Variants in TRPM3 observed in about 807,000 individuals in gnomAD.
TRPM3 encodes long transient receptor potential channel 3.
A neutral mutation model predicts 181.2 loss-of-function variants in TRPM3; 77 were observed. The observed-to-expected ratio is 0.42, with a 90% confidence interval of 0.35 to 0.51. The LOEUF (loss-of-function observed/expected upper bound fraction) is 0.51. TRPM3 is among the 20% of genes least tolerant of loss of function. TRPM3 has a pLI of 0.01. For missense variants in TRPM3, 1,759 were observed against 2,196.7 expected (o/e 0.80, Z 3.98); for synonymous variants, 745 against 796.4 (o/e 0.94, Z 1.09).
At chr9:71,156,960 C>G (rs1309755523) in intron 1 of TRPM3, among the ~76,000 whole-genome samples, 1 of 152,114 alleles carries the variant, frequency 6.6e-6, no homozygotes, top group African/African-American at 2.4e-5. Context: ...AATGGGACTT[C>G]CACAGGAATT....
At chr9:70,982,805 G>T (rs2097376184) in intron 1 of TRPM3, among the ~76,000 whole-genome samples, 1 of 152,122 alleles carries the variant, frequency 6.6e-6, no homozygotes, top group Admixed American at 6.6e-5. Context: ...GCTTCAAGTG[G>T]TTCTTGTGCC....
At chr9:71,126,264 C>T (rs1394698187), upstream of TRPM3, among the ~76,000 whole-genome samples, 2 of 152,146 alleles carry the variant, frequency 1.3e-5, no homozygotes, top group Admixed American at 6.5e-5. Flanking sequence ...AACAGGAACG[C>T]TTTTACACTG....
At chr9:70,912,920 CA>C (rs1244387036) in intron 1 of TRPM3, among the ~76,000 whole-genome samples, 1 of 152,108 alleles carries the variant, frequency 6.6e-6, no homozygotes, top group Non-Finnish European at 1.5e-5. Flanking sequence ...ATGACATTAT[CA>C]CTATAATGAT....
Position 71,198,225 on chromosome 9 carries a change from A to T in TRPM3, c.183+248428T>A, listed in dbSNP as rs562460013. Among the ~76,000 whole-genome samples, 27 of 152,098 alleles carry T rather than the reference A, an allele frequency of 1.8e-4. No individual in the cohort carries two copies. The South Asian group carries it at 5.4e-3, about 30-fold the overall frequency. On this transcript the variant is annotated intron_variant, in intron 1 of 24. Transcript: ENST00000357533. ...CTGAGGGCTCTGTTCTGTTCCATTG[A>T]TCAATATATCTGTTTTGGTACCAGT...
At chr9:70,654,784 G>A (rs1007121323) in intron 9 of TRPM3, among the ~76,000 whole-genome samples, 6 of 150,348 alleles carry the variant, frequency 4.0e-5, no homozygotes, top group East Asian at 4.1e-4. Flanking sequence ...CTGGGTTCAC[G>A]CCATTCTCCT....
Position 70,610,999 on chromosome 9 carries a change from TAGA to T in TRPM3, c.2527-253_2527-251del, listed in dbSNP as rs142028730. Reference sequence around the variant, plus strand: ...CTCTTCTCTTCCACCCTGGGAATTCTAGAAGATGTGGGTTATAGATGATACCCA... The same window carrying T: ...CTCTTCTCTTCCACCCTGGGAATTCTAGATGTGGGTTATAGATGATACCCA... On this transcript the variant is annotated intron_variant, in intron 18 of 25. Transcript: ENST00000677713. Among the ~76,000 whole-genome samples, 871 of 152,316 alleles carry T rather than the reference TAGA, an allele frequency of 5.7e-3. 8 individuals carry two copies. The highest frequency in any genetic ancestry group is 0.02 in the African/African-American group (820 of 41,570).
chr9:71,402,646 T>G (rs1340077821), intron 1 of TRPM3, among the ~76,000 whole-genome samples: 2 of 152,228 alleles, frequency 1.3e-5, no homozygotes, highest in Non-Finnish European at 2.9e-5. Context: ...AAACTGTTTA[T>G]ATTGCATCAT....
At chr9:70,947,777 T>C (rs2096951537) in intron 1 of TRPM3, among the ~76,000 whole-genome samples, 2 of 152,140 alleles carry the variant, frequency 1.3e-5, no homozygotes, top group African/African-American at 2.4e-5. Flanking sequence ...GACTTACGTA[T>C]GAGAATAATG....
intron 1 of TRPM3, among the ~76,000 whole-genome samples, chr9:71,371,305 G>A (rs904788564): frequency 6.6e-6 from 1 of 152,158 alleles, no homozygotes; most frequent in Non-Finnish European, 1.5e-5. Context: ...TCTGGGCAAA[G>A]TACATTAAGA....
chr9:70,742,383 G>T (rs149610221), intron 8 of TRPM3, among the ~76,000 whole-genome samples: 2 of 152,096 alleles, frequency 1.3e-5, no homozygotes, highest in African/African-American at 4.8e-5. Flanking sequence ...ATAGTGATCA[G>T]ATCAGGGTAA....
chr9:71,392,594 T>C (rs562522844), intron 1 of TRPM3, among the ~76,000 whole-genome samples: 2 of 152,116 alleles, frequency 1.3e-5, no homozygotes, highest in East Asian at 3.9e-4. Flanking sequence ...CAGATATGGC[T>C]TTAAAGTAGT....
At chr9:70,895,293 A>C (rs999607258) in intron 1 of TRPM3, among the ~76,000 whole-genome samples, 1 of 152,182 alleles carries the variant, frequency 6.6e-6, no homozygotes, top group Non-Finnish European at 1.5e-5. Context: ...AAAATTCTTA[A>C]TATTTTCTAC....
intron 20 of TRPM3, among the ~76,000 whole-genome samples, chr9:70,602,106 C>CG (rs778037711): frequency 1.6e-5 from 2 of 128,204 alleles, no homozygotes; most frequent in Non-Finnish European, 1.6e-5. Flanking sequence ...CAAGGCATTC[C>CG]TTTTTTTTTT....
At chr9:71,252,847 CTTTTTTTTT>C (rs11417438) in intron 1 of TRPM3, among the ~76,000 whole-genome samples, 23 of 84,754 alleles carry the variant, frequency 2.7e-4, no homozygotes, top group Admixed American at 7.3e-4. Flanking sequence ...AATTTTGTCT[CTTTTTTTTT>C]TTTTTTTTTT....
At chr9:70,948,013 C>T (rs1051585896) in intron 1 of TRPM3, among the ~76,000 whole-genome samples, 60 of 151,986 alleles carry the variant, frequency 3.9e-4, no homozygotes, top group Non-Finnish European at 2.2e-4. Context: ...TGAGAGTGCA[C>T]AGGAATACCA....
chr9:71,035,950 T>C (rs896137146), intron 1 of TRPM3, among the ~76,000 whole-genome samples: 7 of 148,656 alleles, frequency 4.7e-5, no homozygotes, highest in Non-Finnish European at 8.9e-5. Flanking sequence ...CTGTACACCA[T>C]ATGAAACTCA....
chr9:70,685,380 GT>G (rs35191957), intron 8 of TRPM3, among the ~76,000 whole-genome samples: 46,222 of 151,840 alleles, frequency 0.3, 7,414 homozygotes, highest in East Asian at 0.46. Context: ...CAAAGAATCA[GT>G]TTTTCATTGT....
chr9:70,992,383 C>G (rs1453818498), intron 1 of TRPM3, among the ~76,000 whole-genome samples: 1 of 152,150 alleles, frequency 6.6e-6, no homozygotes, highest in African/African-American at 2.4e-5. Context: ...GATGAATTCT[C>G]CTGGTCCCTC....
chr9:71,340,178 T>C (rs2132598801), intron 1 of TRPM3, among the ~76,000 whole-genome samples: 1 of 152,192 alleles, frequency 6.6e-6, no homozygotes, highest in African/African-American at 2.4e-5. Flanking sequence ...TTGCAGACAA[T>C]GAGATCCAGA....
Sources: gnomAD v4.1 joint callset for allele counts (sites outside exome capture counted in the v4.1 genomes callset) on GRCh38, gnomAD v4.1.1 for gene constraint, MANE v1.5 for transcripts, NCBI Gene and HGNC (gene_info 2026-07-23, HGNC 2026-07-21) for gene names.